TBCA: variants seen among roughly 807,000 people sequenced by gnomAD.
TBCA encodes the protein tubulin folding cofactor A.
TBCA carries 6 observed loss-of-function variants against 15.8 expected under a neutral mutation model. The observed-to-expected ratio is 0.38, with a 90% confidence interval of 0.21 to 0.75. TBCA has a LOEUF of 0.75. TBCA is among the 30% of genes least tolerant of loss of function. The probability of loss-of-function intolerance (pLI) is 0.46; values close to 1 mark genes in which losing one functional copy is unlikely to be tolerated. For synonymous variants in TBCA, 32 were observed against 42.3 expected, an observed-to-expected ratio of 0.76 and a Z score of 0.94; for missense variants, 90 against 131.2, an observed-to-expected ratio of 0.69 and a Z score of 1.53.
intron 1 of TBCA, among the ~76,000 whole-genome samples, chr5:77,711,092 G>A (rs921603396): frequency 6.6e-6 from 1 of 152,118 alleles, no homozygotes; most frequent in Non-Finnish European, 1.5e-5. Context: ...TTTTTGTATA[G>A]TCTCAGAGCT....
intron 1 of TBCA, among the ~76,000 whole-genome samples, chr5:77,739,522 T>G (rs933611458): frequency 6.6e-6 from 1 of 152,138 alleles, no homozygotes; most frequent in African/African-American, 2.4e-5. Flanking sequence ...GCTGGATCCT[T>G]CCTCTTCCCT....
chr5:77,739,304 T>C lies in TBCA; in HGVS notation c.54-30957A>G, dbSNP rs2663081. On this transcript the variant is annotated intron_variant, in intron 1 of 3. Transcript: ENST00000380377. The stretch of plus-strand genomic sequence containing the variant: ...GGTGAACCCTTGTCTCCACTAAAAA[T>C]ACAAAAATTAGCCGGGTGTGGTGGT... 3.2e-3 allele frequency among the ~76,000 whole-genome samples: 487 copies of C among 151,966 alleles called. 1 individual carries two copies. Among genetic ancestry groups the C allele is most frequent in the Admixed American group, 7.0e-3 (107 of 15,262 alleles).
intron 1 of TBCA, among the ~76,000 whole-genome samples, chr5:77,755,974 CAGCTGGGTCAACAAGAGCGA>C (rs1458843717): frequency 6.6e-6 from 1 of 152,118 alleles, no homozygotes; most frequent in Non-Finnish European, 1.5e-5. Flanking sequence ...ATTTGCATTC[CAGCTGGGTCAACAAGAGCGA>C]AACTTTATCT....
At chr5:77,747,975 T>C (rs962630492) in intron 1 of TBCA, among the ~76,000 whole-genome samples, 11 of 152,190 alleles carry the variant, frequency 7.2e-5, no homozygotes, top group African/African-American at 2.7e-4. Flanking sequence ...GAAATCAAGA[T>C]GATCTTCTCA....
At chr5:77,719,200 G>A (rs1746473673) in intron 1 of TBCA, among the ~76,000 whole-genome samples, 1 of 152,130 alleles carries the variant, frequency 6.6e-6, no homozygotes. Context: ...TGAAAAGCCA[G>A]CTGTCCAAGA....
chr5:77,764,975 TTTAG>T (rs1433795805), intron 1 of TBCA, among the ~76,000 whole-genome samples: 2 of 152,016 alleles, frequency 1.3e-5, no homozygotes, highest in Non-Finnish European at 2.9e-5. Flanking sequence ...TTTTTAAATA[TTTAG>T]TTAGAAAAAT....
intron 2 of TBCA, among the ~76,000 whole-genome samples, chr5:77,706,626 A>G (rs56987120): frequency 0.024 from 3,607 of 152,150 alleles, 137 homozygotes; most frequent in African/African-American, 0.082. Context: ...AGCCTGGCCA[A>G]CATGACAAAA....
intron 1 of TBCA, among the ~76,000 whole-genome samples, chr5:77,714,572 A>T (rs1033686019): frequency 2.9e-4 from 37 of 126,904 alleles, no homozygotes; most frequent in African/African-American, 7.7e-4. Flanking sequence ...TATTATTATT[A>T]TTATTTTTTT....
chr5:77,748,258 T>C (rs995405481), intron 1 of TBCA, among the ~76,000 whole-genome samples: 4 of 152,120 alleles, frequency 2.6e-5, no homozygotes, highest in African/African-American at 9.7e-5. Flanking sequence ...AACTGTAATG[T>C]AGTAATATGG....
chr5:77,774,441 G>T (rs1161421913), intron 1 of TBCA, among the ~76,000 whole-genome samples: 1 of 152,074 alleles, frequency 6.6e-6, no homozygotes, highest in Non-Finnish European at 1.5e-5. Context: ...CTGCTACCTG[G>T]AGGCTTCATC....
At chr5:77,705,429 G>A in intron 2 of TBCA, 1 of 391,744 alleles carries the variant, frequency 2.6e-6, no homozygotes, top group Non-Finnish European at 4.5e-6. Context: ...GAAAACAATA[G>A]AAGACTTAAG....
At chr5:77,746,160 A>G (rs1400710286) in intron 1 of TBCA, among the ~76,000 whole-genome samples, 1 of 152,130 alleles carries the variant, frequency 6.6e-6, no homozygotes, top group Non-Finnish European at 1.5e-5. Flanking sequence ...CGGCCGTGGT[A>G]GCTCAGACCT....
intron 1 of TBCA, among the ~76,000 whole-genome samples, chr5:77,748,898 T>C (rs1231699713): frequency 3.3e-5 from 5 of 152,186 alleles, no homozygotes; most frequent in African/African-American, 1.2e-4. Flanking sequence ...AGAAAATACA[T>C]TTACAGTATT....
At chr5:77,713,117 G>C (rs1746321091) in intron 1 of TBCA, among the ~76,000 whole-genome samples, 1 of 152,006 alleles carries the variant, frequency 6.6e-6, no homozygotes. Flanking sequence ...AACACGGCGA[G>C]ATTTTGTCTC....
At chr5:77,745,505 T>C (rs1747165729) in intron 1 of TBCA, among the ~76,000 whole-genome samples, 1 of 152,222 alleles carries the variant, frequency 6.6e-6, no homozygotes, top group Non-Finnish European at 1.5e-5. Flanking sequence ...AAGACACTAG[T>C]CTGAATTTTC....
At chr5:77,708,075 C>T (rs886698199) in intron 2 of TBCA, among the ~76,000 whole-genome samples, 167 bp downstream of exon 2, 3 of 152,070 alleles carry the variant, frequency 2.0e-5, no homozygotes, top group Non-Finnish European at 2.9e-5. Context: ...ATGTGATTTG[C>T]GCAGTTATTT....
At chr5:77,735,704 T>C (rs1456143786) in intron 1 of TBCA, among the ~76,000 whole-genome samples, 1 of 152,204 alleles carries the variant, frequency 6.6e-6, no homozygotes, top group African/African-American at 2.4e-5. Flanking sequence ...CTATTAAAAA[T>C]TCAATACAAC....
chr5:77,723,648 T>C (rs1218219366), intron 1 of TBCA, among the ~76,000 whole-genome samples: 2 of 151,998 alleles, frequency 1.3e-5, no homozygotes, highest in Non-Finnish European at 2.9e-5. Context: ...TGTAGTCCAT[T>C]GTATGAAATT....
Position 77,763,998 on chromosome 5 carries a change from G to A in TBCA, c.53+12207C>T, listed in dbSNP as rs76740925. Among the ~76,000 whole-genome samples, 587 of 152,188 alleles carry A rather than the reference G, an allele frequency of 3.9e-3. 4 individuals carry two copies. Among genetic ancestry groups the A allele is most frequent in the African/African-American group, 0.012 (496 of 41,526 alleles). ...CAAATGCTCATCAATAAGAGGAATG[G>A]ATAAATTGCGGTATTATCAAACAAT... On this transcript the variant is annotated intron_variant, in intron 1 of 3. Coordinates refer to ENST00000380377, the MANE Select transcript of TBCA (RefSeq NM_004607.3).
Sources: gnomAD v4.1 joint callset for allele counts (sites outside exome capture counted in the v4.1 genomes callset) on GRCh38, gnomAD v4.1.1 for gene constraint, MANE v1.5 for transcripts, NCBI Gene and HGNC (gene_info 2026-07-23, HGNC 2026-07-21) for gene names.